YIPF4: variants seen among roughly 807,000 people sequenced by gnomAD.
The protein encoded by YIPF4 is protein YIPF4.
In YIPF4, 18 loss-of-function variants were observed where a neutral mutation model predicts 29.4. The ratio of observed to expected loss-of-function variants is 0.61; its 90% CI spans 0.42 to 0.91. The LOEUF (loss-of-function observed/expected upper bound fraction) is 0.91, where lower values mean the gene tolerates loss of function less well. Among genes scored for constraint, YIPF4 ranks in the 40% least tolerant of loss-of-function variants. The pLI is 0.00. For synonymous variants in YIPF4, 115 were observed against 104.7 expected, an observed-to-expected ratio of 1.10 and a Z score of -0.60; for missense variants, 279 against 282.7, an observed-to-expected ratio of 0.99 and a Z score of 0.09.
At position 32,311,053 on chromosome 2, in the gene YIPF4, C is replaced by T. The variant is rs1017962620; in HGVS notation, c.*5427C>T. The T allele has an allele frequency of 6.6e-6, 1 of 151,978 alleles. No individual in the cohort carries two copies. The allele number at this position is 151,978 out of a possible 1,614,324, so 9.4% of individuals were successfully genotyped here. A position where few individuals can be genotyped will look rare whatever the true frequency, so the allele number is the denominator to read the frequency against. ...ACATCAAAAAAGCTAGACATTCCTA[C>T]ATTTTTGCACTACAATACATAAAAA... On this transcript the variant is annotated 3_prime_UTR_variant, in exon 6 of 6. Transcript: ENST00000238831.
intron 1 of YIPF4, among the ~76,000 whole-genome samples, chr2:32,284,903 T>C (rs1194391926): frequency 2.0e-5 from 3 of 152,114 alleles, no homozygotes; most frequent in South Asian, 4.1e-4. Flanking sequence ...AGATAGGGCA[T>C]GTAGAGATTA....
At chr2:32,280,579 T>G (rs1240801364) in intron 1 of YIPF4, among the ~76,000 whole-genome samples, 2 of 152,080 alleles carry the variant, frequency 1.3e-5, no homozygotes, top group African/African-American at 4.8e-5. Flanking sequence ...AGACGGGGTT[T>G]CACTGTGTTA....
chr2:32,280,628 T>C (rs1485168138), intron 1 of YIPF4, among the ~76,000 whole-genome samples: 9 of 151,950 alleles, frequency 5.9e-5, no homozygotes, highest in Admixed American at 2.6e-4. Flanking sequence ...GTGATCTGCC[T>C]GCCTCGGCCT....
intron 1 of YIPF4, among the ~76,000 whole-genome samples, chr2:32,285,895 T>C (rs903269185): frequency 1.6e-4 from 25 of 152,174 alleles, no homozygotes; most frequent in African/African-American, 5.8e-4. Flanking sequence ...GATTCCTACT[T>C]ATGAAAAATA....
At chr2:32,282,678 C>T (rs1012457200) in intron 1 of YIPF4, among the ~76,000 whole-genome samples, 22 of 152,142 alleles carry the variant, frequency 1.4e-4, no homozygotes, top group Middle Eastern at 6.8e-3. Flanking sequence ...GTGATCCACC[C>T]GCCTCAGCTT....
At chr2:32,286,546 A>T (rs1387699320) in intron 1 of YIPF4, among the ~76,000 whole-genome samples, 1 of 152,186 alleles carries the variant, frequency 6.6e-6, no homozygotes, top group East Asian at 1.9e-4. Context: ...AAGACTTTGA[A>T]AAAAACATTT....
chr2:32,302,903 G>C lies in YIPF4; in HGVS notation c.597+1408G>C, dbSNP rs931870545. ...ACGCTGATACTGATAATAAGCATTG[G>C]GAATCGAAAATGTGTGGTTTTTGGA... On this transcript the variant is annotated intron_variant, in intron 5 of 5. Transcript: ENST00000238831. Among the ~76,000 whole-genome samples the C allele has an allele frequency of 3.6e-4, 54 of 152,074 alleles. 1 individual carries two copies. Among genetic ancestry groups the C allele is most frequent in the African/African-American group, 1.3e-3 (52 of 41,420 alleles).
intron 2 of YIPF4, among the ~76,000 whole-genome samples, chr2:32,291,769 A>G (rs2030927912): frequency 6.6e-6 from 1 of 152,208 alleles, no homozygotes; most frequent in Non-Finnish European, 1.5e-5. Flanking sequence ...ATGTTGAAAG[A>G]AAGAATTTCC....
Position 32,282,740 on chromosome 2 carries a change from C to G in YIPF4, c.79+4506C>G, listed in dbSNP as rs529135478. On this transcript the variant is annotated intron_variant, in intron 1 of 5. Coordinates refer to ENST00000238831, the MANE Select transcript of YIPF4 (RefSeq NM_032312.4). ...AGCCACTGTGCCCCGCCAACTTACC[C>G]TTTCTTAACCTCATTTTCCTCATAT... is the stretch of plus-strand genomic sequence containing the variant. 1.1e-4 allele frequency among the ~76,000 whole-genome samples: 17 copies of G among 152,128 alleles called. No homozygotes were observed. In the South Asian group the frequency reaches 3.5e-3, roughly 32 times the overall value.
Position 32,278,147 on chromosome 2 carries a change from C to A in YIPF4, c.-9C>A. On this transcript the variant is annotated 5_prime_UTR_variant, in exon 1 of 6. Coordinates refer to ENST00000238831, the MANE Select transcript of YIPF4 (RefSeq NM_032312.4). The stretch of plus-strand genomic sequence containing the variant: ...TCTTCTACCGCGGCCGGTTGGGAGT[C>A]GCCGCGAGATGCAGCCTCCGGGCCC... 3 of 1,552,504 alleles carry A rather than the reference C, an allele frequency of 1.9e-6. No individual in the cohort carries two copies. Among genetic ancestry groups the A allele is most frequent in the South Asian group, 2.4e-5 (2 of 84,318 alleles).
intron 1 of YIPF4, among the ~76,000 whole-genome samples, chr2:32,285,714 G>A (rs937805305): frequency 6.7e-6 from 1 of 149,056 alleles, no homozygotes; most frequent in Admixed American, 6.7e-5. Context: ...AGAGTGCAGT[G>A]GTGCGATCTC....
At chr2:32,286,422 GAATTT>G (rs2030672741) in intron 1 of YIPF4, among the ~76,000 whole-genome samples, 3 of 152,110 alleles carry the variant, frequency 2.0e-5, no homozygotes, top group South Asian at 4.1e-4. Flanking sequence ...ATAAATTACA[GAATTT>G]AATTATTTAC....
chr2:32,281,915 A>G (rs961083824), intron 1 of YIPF4, among the ~76,000 whole-genome samples: 2 of 113,608 alleles, frequency 1.8e-5, no homozygotes, highest in Admixed American at 2.0e-4. Flanking sequence ...AAAAAAAAAA[A>G]GGCAACCATG....
rs2031832165 is a variant in YIPF4, at chr2:32,316,303, A to G, written c.*10677A>G. ...TATAAATCAATAAAATGGGCTAGGG[A>G]TATAAATCAGCAATTCAAGGGGAGG... On this transcript the variant is annotated 3_prime_UTR_variant, in exon 6 of 6. Transcript: ENST00000238831. The G allele has an allele frequency of 6.6e-6, 1 of 152,220 alleles. No individual in the cohort carries two copies. Among genetic ancestry groups the G allele is most frequent in the Non-Finnish European group, 1.5e-5 (1 of 68,030 alleles). 9.4% of individuals were successfully genotyped at this position (152,220 alleles called of 1,614,324 possible).
chr2:32,300,038 G>A (rs1054674009), intron 4 of YIPF4, among the ~76,000 whole-genome samples: 3 of 152,222 alleles, frequency 2.0e-5, no homozygotes, highest in South Asian at 4.1e-4. Context: ...AGGCCGGGGC[G>A]GGTGGATCAC....
intron 3 of YIPF4, among the ~76,000 whole-genome samples, chr2:32,297,675 TAATA>T (rs1364066450): frequency 6.6e-6 from 1 of 151,868 alleles, no homozygotes; most frequent in Non-Finnish European, 1.5e-5. Flanking sequence ...ATAAATAAAA[TAATA>T]AATAATAAAA....
intron 4 of YIPF4, among the ~76,000 whole-genome samples, chr2:32,299,860 C>T (rs1430733727): frequency 1.3e-5 from 2 of 152,202 alleles, no homozygotes; most frequent in Admixed American, 1.3e-4. Context: ...TGGCGCATGC[C>T]TGTAGTCCCA....
intron 4 of YIPF4, among the ~76,000 whole-genome samples, chr2:32,299,313 G>A (rs987766554): frequency 3.9e-5 from 6 of 152,178 alleles, no homozygotes; most frequent in Non-Finnish European, 7.3e-5. Context: ...AGAGTTAGAA[G>A]AGTAGCATTA....
intron 1 of YIPF4, among the ~76,000 whole-genome samples, chr2:32,289,065 T>C (rs1184121251): frequency 1.3e-5 from 2 of 152,226 alleles, no homozygotes; most frequent in Admixed American, 6.5e-5. Flanking sequence ...CAAGCACTTA[T>C]AAGAGAGTAT....
Sources: allele counts gnomAD v4.1 joint callset (sites outside exome capture counted in the v4.1 genomes callset), GRCh38; gene constraint gnomAD v4.1.1; transcripts MANE v1.5; gene names NCBI Gene and HGNC (gene_info 2026-07-23, HGNC 2026-07-21).